TTC23L: variants seen among roughly 807,000 people sequenced by gnomAD.
TTC23L encodes the protein tetratricopeptide repeat protein 23-like.
A neutral mutation model predicts 48.1 loss-of-function variants in TTC23L; 42 were observed. That is an observed-to-expected ratio of 0.87 (90% CI 0.68 to 1.13). The LOEUF (loss-of-function observed/expected upper bound fraction) is 1.13. Among genes scored for constraint, TTC23L ranks in the 50% most tolerant of loss-of-function variants. The pLI, the probability that TTC23L is intolerant of heterozygous loss-of-function variation, is 0.00. For missense variants in TTC23L, 391 were observed against 421.0 expected, an observed-to-expected ratio of 0.93 and a Z score of 0.62; for synonymous variants, 159 against 157.2, an observed-to-expected ratio of 1.01 and a Z score of -0.09.
In TTC23L at chr5:34,896,881, T is replaced by C. The variant is rs1763256500; in HGVS notation, c.*97+6T>C. 1 of 717,356 alleles carries C rather than the reference T, an allele frequency of 1.4e-6. No homozygotes were observed. Among genetic ancestry groups the C allele is most frequent in the Non-Finnish European group, 2.6e-6 (1 of 385,730 alleles). 44.4% of individuals were successfully genotyped at this position (717,356 alleles called of 1,614,324 possible). A position where few individuals can be genotyped will look rare whatever the true frequency, so the allele number is the denominator to read the frequency against. On this transcript the variant is annotated splice_donor_region_variant and intron_variant, in intron 10 of 10. Coordinates refer to ENST00000505624, the Ensembl canonical transcript of TTC23L. ...GGGCAGTGTATGGAGGAATGGTAAGTACTTTACAGCTGTTGTACAGGGCAG... is the reference window on the plus strand; with the variant it reads ...GGGCAGTGTATGGAGGAATGGTAAGCACTTTACAGCTGTTGTACAGGGCAG...
intron 4 of TTC23L, among the ~76,000 whole-genome samples, chr5:34,859,077 G>C (rs1760359790): frequency 6.6e-6 from 1 of 152,208 alleles, no homozygotes; most frequent in Admixed American, 6.5e-5. Context: ...TTCTTGAGTG[G>C]TAGTTGTTTT....
intron 9 of TTC23L, among the ~76,000 whole-genome samples, chr5:34,895,990 G>C (rs904031694): frequency 3.9e-5 from 6 of 152,166 alleles, no homozygotes; most frequent in African/African-American, 1.4e-4. Context: ...AGTGAGTGAG[G>C]AGCACAATCT....
the TTC23L span, chr5:34,906,788 G>A: frequency 4.6e-5 from 7 of 152,100 alleles, no homozygotes; most frequent in African/African-American, 1.2e-4. Flanking sequence ...TATGTTAGGC[G>A]CCGTTCTTTG....
the TTC23L span, among the ~76,000 whole-genome samples, chr5:34,911,108 T>A: frequency 1.7e-3 from 255 of 152,338 alleles, 2 homozygotes; most frequent in Non-Finnish European, 2.5e-3. Flanking sequence ...CTTAATAAGA[T>A]GAATAAGCAC....
chr5:34,867,779 A>C (rs1383078515), intron 7 of TTC23L: 1 of 152,362 alleles, frequency 6.6e-6, no homozygotes, highest in Non-Finnish European at 1.5e-5. Context: ...AGTATACATG[A>C]AAACAGACTC....
At chr5:34,922,053 A>G in the TTC23L span, 1 of 412,912 alleles carries the variant, frequency 2.4e-6, no homozygotes, top group South Asian at 6.2e-5. Context: ...ACCTAAGAGG[A>G]ACTTTAAAGG....
chr5:34,887,264 C>T (rs1762597963), intron 9 of TTC23L, among the ~76,000 whole-genome samples: 1 of 152,062 alleles, frequency 6.6e-6, no homozygotes, highest in Non-Finnish European at 1.5e-5. Flanking sequence ...AATAGCTTTT[C>T]CAGGGAAGCA....
chr5:34,911,825 G>T, the TTC23L span: 1 of 1,613,564 alleles, frequency 6.2e-7, no homozygotes, highest in Non-Finnish European at 8.5e-7. Context: ...GCAATGGAAA[G>T]AAGTCATACT....
chr5:34,895,155 T>C (rs1248102656), intron 9 of TTC23L, among the ~76,000 whole-genome samples: 4 of 152,176 alleles, frequency 2.6e-5, no homozygotes, highest in Non-Finnish European at 5.9e-5. Flanking sequence ...TACTGGACAG[T>C]TCTGATTGTT....
chr5:34,844,444 CA>C lies in TTC23L; in HGVS notation c.69-1026del, dbSNP rs10675653. On this transcript the variant is annotated intron_variant, in intron 2 of 10. Coordinates refer to ENST00000505624, the Ensembl canonical transcript of TTC23L. ...AGACCCAAAGAGTGAGCAGCAGCAG[CA>C]AAAAAAAAAAAAAAAAGGTTACACT... is the stretch of plus-strand genomic sequence containing the variant. Among the ~76,000 whole-genome samples the C allele has an allele frequency of 8.8e-3, 1,083 of 122,716 alleles. 23 individuals are homozygous for C. The highest frequency in any genetic ancestry group is 0.032 in the African/African-American group (1,022 of 32,030). 80.5% of individuals were successfully genotyped at this position (122,716 alleles called of 152,430 possible).
chr5:34,919,329 C>G, the TTC23L span, among the ~76,000 whole-genome samples: 1 of 146,998 alleles, frequency 6.8e-6, no homozygotes. Flanking sequence ...GCAGCGCCAT[C>G]ATATGGCTGT....
the TTC23L span, among the ~76,000 whole-genome samples, chr5:34,904,843 C>T: frequency 2.0e-5 from 3 of 152,128 alleles, no homozygotes; most frequent in Admixed American, 6.5e-5. Flanking sequence ...ACAGGGTTTA[C>T]TAGATTGTTA....
chr5:34,862,793 TACG>T lies in TTC23L; in HGVS notation c.380-102_380-100del, dbSNP rs1760775519. ...ATTTAGGAACCAATGCTATAGACCA[TACG>T]ACAACTGCACTGCCCACTTTATCCC... On this transcript the variant is annotated intron_variant, in intron 4 of 10. Transcript: ENST00000505624. 11 of 1,337,114 alleles carry T rather than the reference TACG, an allele frequency of 8.2e-6. No homozygotes were observed. The South Asian group carries it at 1.5e-4, about 19-fold the overall frequency. 82.8% of individuals were successfully genotyped at this position (1,337,114 alleles called of 1,614,324 possible).
intron 9 of TTC23L, among the ~76,000 whole-genome samples, chr5:34,889,479 A>C (rs1762724302): frequency 1.3e-5 from 2 of 152,164 alleles, no homozygotes; most frequent in African/African-American, 4.8e-5. Flanking sequence ...GGTGGGGAAG[A>C]TCATGCCATG....
the TTC23L span, chr5:34,913,736 T>C: frequency 5.1e-6 from 3 of 591,588 alleles, no homozygotes; most frequent in African/African-American, 3.7e-5. Flanking sequence ...GAGACATCCT[T>C]TGAAGCATCC....
In TTC23L at chr5:34,850,321, C is replaced by T; in HGVS notation, c.379+13C>T. On this transcript the variant is annotated intron_variant, in intron 4 of 10. Transcript: ENST00000505624. Reference sequence around the variant, plus strand: ...TTGACACTGAGAGGTACTTGGTTTTCCCAGCTGGGTTTGGGTGGCCAGCCT... The same window carrying T: ...TTGACACTGAGAGGTACTTGGTTTTTCCAGCTGGGTTTGGGTGGCCAGCCT... 6.2e-7 allele frequency: 1 copy of T among 1,613,140 alleles called. No individual in the cohort carries two copies. The highest frequency in any genetic ancestry group is 1.3e-5 in the African/African-American group (1 of 74,980).
chr5:34,891,020 C>T (rs1215536555), intron 9 of TTC23L, among the ~76,000 whole-genome samples: 2 of 152,088 alleles, frequency 1.3e-5, no homozygotes, highest in Non-Finnish European at 2.9e-5. Flanking sequence ...TCAAAAAGTA[C>T]GTTTTCTGAA....
the TTC23L span, among the ~76,000 whole-genome samples, chr5:34,909,729 T>G: frequency 3.3e-5 from 5 of 152,204 alleles, no homozygotes; most frequent in Non-Finnish European, 5.9e-5. Flanking sequence ...CTGTTCCCAA[T>G]CCTACACCTA....
the TTC23L span, chr5:34,915,721 C>T: frequency 1.9e-6 from 3 of 1,589,728 alleles, no homozygotes; most frequent in South Asian, 1.1e-5. Flanking sequence ...AGGCCAAGAG[C>T]GCGGGCGGCG....
Sources: gnomAD v4.1 joint callset for allele counts (sites outside exome capture counted in the v4.1 genomes callset) on GRCh38, gnomAD v4.1.1 for gene constraint, MANE v1.5 for transcripts, NCBI Gene and HGNC (gene_info 2026-07-23, HGNC 2026-07-21) for gene names.